The following TRAF7 variants were observed in gnomAD, a reference collection of about 807,000 sequenced individuals.
TRAF7 encodes TNF receptor associated factor 7.
A neutral mutation model predicts 89.3 loss-of-function variants in TRAF7; 45 were observed. That is an observed-to-expected ratio of 0.50 (90% confidence interval 0.40 to 0.65). TRAF7 has a LOEUF of 0.65. TRAF7 is among the 30% of genes least tolerant of loss of function. The pLI is 0.00. For synonymous variants in TRAF7, 406 were observed against 369.2 expected, an observed-to-expected ratio of 1.10 and a Z score of -1.14; for missense variants, 677 against 918.1, an observed-to-expected ratio of 0.74 and a Z score of 3.39.
chr16:2,177,308 C>T lies in TRAF7; in HGVS notation c.*734C>T, dbSNP rs1025164485. On this transcript the variant is annotated 3_prime_UTR_variant, in exon 21 of 21. Coordinates refer to ENST00000326181, the MANE Select transcript of TRAF7 (RefSeq NM_032271.3). Reference sequence around the variant, plus strand: ...GGGGGGACAGCTGGGCACGTCCACTCGCAGGGAAACACGGGGTGAGACAGC... The same window carrying T: ...GGGGGGACAGCTGGGCACGTCCACTTGCAGGGAAACACGGGGTGAGACAGC... The T allele has an allele frequency of 1.3e-5, 3 of 234,586 alleles. No individual in the cohort carries two copies. Among genetic ancestry groups the T allele is most frequent in the Non-Finnish European group, 2.5e-5 (3 of 118,884 alleles). The allele number at this position is 234,586 out of a possible 1,614,324, so 14.5% of individuals were successfully genotyped here. A position where few individuals can be genotyped will look rare whatever the true frequency, so the allele number is the denominator to read the frequency against.
chr16:2,163,300 G>A lies in TRAF7; in HGVS notation c.-38-583G>A, dbSNP rs1270528451. ...ATCTCTCTCCTGTGCTTTTTTCCGT[G>A]CAGTGCGGTTTGTGTGGAGTTGGGC... is the stretch of plus-strand genomic sequence containing the variant. On this transcript the variant is annotated intron_variant, in intron 1 of 20. Coordinates refer to ENST00000326181, the MANE Select transcript of TRAF7 (RefSeq NM_032271.3). The surrounding 1 kb of genome is among the most constrained non-coding windows in gnomAD (Gnocchi z 4.3). Among the ~76,000 whole-genome samples, 2 of 152,202 alleles carry A rather than the reference G, an allele frequency of 1.3e-5. No homozygotes were observed. The highest frequency in any genetic ancestry group is 4.8e-5 in the African/African-American group (2 of 41,452).
rs1412417441 is a variant in TRAF7 at position 2,161,712 on chromosome 16, G to A, written c.-38-2171G>A. Among the ~76,000 whole-genome samples the A allele has an allele frequency of 2.0e-5, 3 of 152,212 alleles. No individual in the cohort carries two copies. Among genetic ancestry groups the A allele is most frequent in the East Asian group, 3.9e-4 (2 of 5,180 alleles). On this transcript the variant is annotated intron_variant, in intron 1 of 20. Coordinates refer to ENST00000326181, the MANE Select transcript of TRAF7 (RefSeq NM_032271.3). The surrounding 1 kb of genome is among the most constrained non-coding windows in gnomAD (Gnocchi z 5.2). ...GGCTGAACCTCCTGTGCCGAGTCAT[G>A]GCGCCCTGCACTTCAGGCTATCAGG...
Position 2,162,540 on chromosome 16 carries a change from C to G in TRAF7, c.-38-1343C>G, listed in dbSNP as rs924212537. Among the ~76,000 whole-genome samples the G allele has an allele frequency of 6.6e-6, 1 of 152,108 alleles. No homozygotes were observed. Among genetic ancestry groups the G allele is most frequent in the African/African-American group, 2.4e-5 (1 of 41,454 alleles). ...GTGGGGGCAGAGACCAGCTCCGCCA[C>G]TTTGGCCTGGGACTGGGACTGTCCT... On this transcript the variant is annotated intron_variant, in intron 1 of 20. Coordinates refer to ENST00000326181, the MANE Select transcript of TRAF7 (RefSeq NM_032271.3). The surrounding 1 kb of genome is among the most constrained non-coding windows in gnomAD (Gnocchi z 5.0).
chr16:2,164,159 T>C (rs140803128), intron 2 of TRAF7, among the ~76,000 whole-genome samples, 158 bp downstream of exon 2: 3,736 of 125,880 alleles, frequency 0.03, 76 homozygotes, highest in African/African-American at 0.057. Flanking sequence ...TGTGTGTGTG[T>C]GCGCGCGCGC....
intron 9 of TRAF7, 151 bp downstream of exon 9, chr16:2,172,750 A>T (rs897265227): frequency 4.6e-6 from 5 of 1,097,240 alleles, no homozygotes; most frequent in Middle Eastern, 6.1e-4. Context: ...AAGGCCCTGG[A>T]AACCCAGAGG....
At chr16:2,155,879 C>T (rs984913355) in intron 1 of TRAF7, 21 bp downstream of exon 1, 89 of 150,770 alleles carry the variant, frequency 5.9e-4, no homozygotes, top group African/African-American at 2.1e-3. Context: ...CCGCGGCGCG[C>T]CCGACCCGGG....
chr16:2,178,044 T>C lies in TRAF7; in HGVS notation c.*1470T>C. The C allele has an allele frequency of 2.2e-6, 1 of 460,890 alleles. No individual in the cohort carries two copies. The highest frequency in any genetic ancestry group is 4.1e-6 in the Non-Finnish European group (1 of 244,512). The allele number at this position is 460,890 out of a possible 1,614,324, so 28.6% of individuals were successfully genotyped here. On this transcript the variant is annotated 3_prime_UTR_variant, in exon 21 of 21. Transcript: ENST00000326181. The stretch of plus-strand genomic sequence containing the variant: ...TCAATAATATTTCTTTCTTTAAATA[T>C]ATATTTGTTAAAGTTATACCTTTTT...
chr16:2,176,275 T>G lies in TRAF7; in HGVS notation c.1889T>G (p.Met630Arg), dbSNP rs1443823401. Residue 630 changes from methionine to arginine, a missense_variant, in exon 20 of 21, where the codon ATG becomes AGG. By Grantham distance (91) the Met-to-Arg change is moderately conservative. This residue lies in a region of TRAF7 where 160 missense variants were observed against 263.7 expected (regional missense o/e 0.61). Coordinates refer to ENST00000326181, the MANE Select transcript of TRAF7 (RefSeq NM_032271.3). ...SYDRSLRVWS[M>R]DNMICTQTLL... is the part of the protein sequence containing the mutation. The stretch of plus-strand genomic sequence containing the variant: ...CCCATGTGCCCCCAGGTCTGGAGTA[T>G]GGACAACATGATCTGCACGCAGACC... The G allele has an allele frequency of 6.2e-7, 1 of 1,602,216 alleles. No homozygotes were observed. The highest frequency in any genetic ancestry group is 8.5e-7 in the Non-Finnish European group (1 of 1,179,510).
At position 2,177,964 on chromosome 16, in the gene TRAF7, T is replaced by C. The variant is rs1050326044; in HGVS notation, c.*1390T>C. The C allele has an allele frequency of 2.7e-6, 1 of 366,410 alleles. No individual in the cohort carries two copies. Among genetic ancestry groups the C allele is most frequent in the African/African-American group, 2.2e-5 (1 of 46,136 alleles). The allele number at this position is 366,410 out of a possible 1,614,324, so 22.7% of individuals were successfully genotyped here. A position where few individuals can be genotyped will look rare whatever the true frequency, so the allele number is the denominator to read the frequency against. On this transcript the variant is annotated 3_prime_UTR_variant, in exon 21 of 21. Coordinates refer to ENST00000326181, the MANE Select transcript of TRAF7 (RefSeq NM_032271.3). Reference sequence around the variant, plus strand: ...CAGACAGCCTGGGCCTCTAACAGCTTTTGTCCGGAGCTAGACTTCGTGTCC... The same window carrying C: ...CAGACAGCCTGGGCCTCTAACAGCTCTTGTCCGGAGCTAGACTTCGTGTCC...
At position 2,156,115 on chromosome 16, in the gene TRAF7, G is replaced by A. The variant is rs140174258; in HGVS notation, c.-39+257G>A. ...AGTTCTTTACTCATTCCTTCTTCCT[G>A]CATTCCCCGAGACTCCCGGGTGCCA... is the stretch of plus-strand genomic sequence containing the variant. On this transcript the variant is annotated intron_variant, in intron 1 of 20. Transcript: ENST00000326181. Among the ~76,000 whole-genome samples the A allele has an allele frequency of 1.5e-3, 235 of 152,232 alleles. 1 individual carries two copies. Among genetic ancestry groups the A allele is most frequent in the African/African-American group, 5.7e-3 (235 of 41,548 alleles).
In TRAF7 at chr16:2,163,939, G is replaced by C. The variant is rs2093067373; in HGVS notation, c.19G>C (p.Ala7Pro). The C allele has an allele frequency of 1.9e-6, 3 of 1,612,660 alleles. No homozygotes were observed. The highest frequency in any genetic ancestry group is 2.5e-6 in the Non-Finnish European group (3 of 1,179,812). ...CTAGAGCATGAGCTCAGGCAAGAGTGCCCGCTACAACCGCTTCTCCGGGGG... is the reference window on the plus strand; with the variant it reads ...CTAGAGCATGAGCTCAGGCAAGAGTCCCCGCTACAACCGCTTCTCCGGGGG... MSSGKSARYNRFSGGPS... is the reference protein window; with the variant it reads MSSGKSPRYNRFSGGPS... The change falls in exon 2 of 21, where the codon GCC becomes CCC. Residue 7 changes from alanine to proline, a missense_variant. By Grantham distance (27) the Ala-to-Pro change is conservative. This residue lies in a region of TRAF7 where 240 missense variants were observed against 191.9 expected (regional missense o/e 1.25). Transcript: ENST00000326181. The surrounding 1 kb of genome is among the most constrained non-coding windows in gnomAD (Gnocchi z 4.3).
At chr16:2,176,445 CGAG>C (rs1242409884) in intron 20 of TRAF7, 61 bp downstream of exon 20, 93 of 1,612,242 alleles carry the variant, frequency 5.8e-5, no homozygotes, top group South Asian at 3.2e-4. Context: ...GGGGTGGGGA[CGAG>C]GAGCTGGCAG....
intron 9 of TRAF7, among the ~76,000 whole-genome samples, chr16:2,172,845 G>C (rs2093118978): frequency 6.6e-6 from 1 of 151,570 alleles, no homozygotes; most frequent in Non-Finnish European, 1.5e-5. Flanking sequence ...TGCTGGGGTT[G>C]AGAGCTTTGG....
chr16:2,168,204 A>C lies in TRAF7; in HGVS notation c.231+36A>C. 1.3e-6 allele frequency: 2 copies of C among 1,559,490 alleles called. No individual in the cohort carries two copies. The highest frequency in any genetic ancestry group is 1.7e-6 in the Non-Finnish European group (2 of 1,147,632). On this transcript the variant is annotated intron_variant, in intron 4 of 20. Coordinates refer to ENST00000326181, the MANE Select transcript of TRAF7 (RefSeq NM_032271.3). This position sits in a 1 kb window ranked among gnomAD's most constrained non-coding sequence, Gnocchi z 4.1. ...ACCCCCAGGAGCCCGTGTGAGCCTC[A>C]GCCTCCCCCCATCCTCCCTCCTGGG...
In TRAF7 at chr16:2,175,335, C is replaced by T; in HGVS notation, c.1421C>T (p.Thr474Ile). Reference sequence around the variant, plus strand: ...ATCCAGAACCTGCAGAAGGTGAACACCATCCGGGCCCATGACAACCCGGTG... The same window carrying T: ...ATCCAGAACCTGCAGAAGGTGAACATCATCCGGGCCCATGACAACCCGGTG... ...WDIQNLQKVNTIRAHDNPVCT... is the reference protein window; with the variant it reads ...WDIQNLQKVNIIRAHDNPVCT... Residue 474 changes from threonine to isoleucine, a missense_variant, in exon 16 of 21, where the codon ACC becomes ATC. Around this residue, in one of 6 missense-constraint regions of TRAF7, gnomAD observed 160 missense variants for 263.7 expected, o/e 0.61. Coordinates refer to ENST00000326181, the MANE Select transcript of TRAF7 (RefSeq NM_032271.3). 1.2e-6 allele frequency: 2 copies of T among 1,613,552 alleles called. No homozygotes were observed. The highest frequency in any genetic ancestry group is 1.7e-6 in the Non-Finnish European group (2 of 1,179,998).
At position 2,158,989 on chromosome 16, in the gene TRAF7, C is replaced by G. The variant is rs2093047177; in HGVS notation, c.-39+3131C>G. Among the ~76,000 whole-genome samples, 6 of 152,152 alleles carry G rather than the reference C, an allele frequency of 3.9e-5. No individual in the cohort carries two copies. On this transcript the variant is annotated intron_variant, in intron 1 of 20. Transcript: ENST00000326181. The surrounding 1 kb of genome is among the most constrained non-coding windows in gnomAD (Gnocchi z 4.7). ...CCCTCTGGACTTCCCCTCGACTGGG[C>G]CAGGTCCCCACACAATAGACAGCCA...
At position 2,171,610 on chromosome 16, in the gene TRAF7, G is replaced by A; in HGVS notation, c.475+5G>A. The stretch of plus-strand genomic sequence containing the variant: ...GGAGATGCGCCTTGAAGTCAGGTAG[G>A]TTTGTGCCCCGGCCCAGGCCTGACG... On this transcript the variant is annotated splice_donor_5th_base_variant and intron_variant, in intron 7 of 20. Transcript: ENST00000326181. 6.2e-7 allele frequency: 1 copy of A among 1,613,250 alleles called. No individual in the cohort carries two copies. Among genetic ancestry groups the A allele is most frequent in the Non-Finnish European group, 8.5e-7 (1 of 1,179,902 alleles).
intron 6 of TRAF7, 66 bp downstream of exon 6, chr16:2,171,422 G>A: frequency 2.0e-6 from 3 of 1,533,518 alleles, no homozygotes; most frequent in Non-Finnish European, 2.6e-6. Flanking sequence ...AGGGCTCTCG[G>A]GGGCCGGGGC....
intron 13 of TRAF7, 52 bp from the exon 14 acceptor site, chr16:2,174,199 C>G: frequency 6.2e-7 from 1 of 1,601,060 alleles, no homozygotes; most frequent in Admixed American, 1.7e-5. Context: ...CATGCTGCCC[C>G]TTGACACTGG....
Sources: allele counts gnomAD v4.1 joint callset (sites outside exome capture counted in the v4.1 genomes callset), GRCh38; gene constraint gnomAD v4.1.1; regional missense constraint gnomAD v4.1.1; non-coding constraint Gnocchi (gnomAD v3.1); transcripts MANE v1.5; gene names NCBI Gene and HGNC (gene_info 2026-07-23, HGNC 2026-07-21).